The following GNAT3 variants were observed in gnomAD, a reference collection of about 807,000 sequenced individuals.
The protein encoded by GNAT3 is G protein subunit alpha transducin 3, also known as guanine nucleotide-binding protein G(t) subunit alpha-3.
Under a neutral mutation model 37.7 loss-of-function variants are expected in GNAT3, and 31 were observed. That is an observed-to-expected ratio of 0.82 (90% CI 0.62 to 1.11). The LOEUF (loss-of-function observed/expected upper bound fraction) is 1.11. Ranked by LOEUF, GNAT3 falls within the 50% of genes most tolerant of loss-of-function variation. The probability of loss-of-function intolerance (pLI) is 0.00; values close to 1 mark genes in which losing one functional copy is unlikely to be tolerated. For synonymous variants in GNAT3, 138 were observed against 139.8 expected (o/e 0.99, Z 0.09); for missense variants, 437 against 412.5 (o/e 1.06, Z -0.51).
chr7:80,460,510 T>C (rs1317806855), intron 7 of GNAT3, among the ~76,000 whole-genome samples: 2 of 152,086 alleles, frequency 1.3e-5, no homozygotes, highest in African/African-American at 4.8e-5. Context: ...CCTAACACTT[T>C]GGGAGGGCGG....
chr7:80,486,632 CTTTTTTTTTTTT>C (rs762169940), intron 3 of GNAT3: 1 of 98,422 alleles, frequency 1.0e-5, no homozygotes, highest in Non-Finnish European at 1.9e-5. Flanking sequence ...TTTTCTTTTC[CTTTTTTTTTTTT>C]TTTTTTTTTT....
At position 80,483,143 on chromosome 7, in the gene GNAT3, G is replaced by A. The variant is rs915414719; in HGVS notation, c.304-4145C>T. Among the ~76,000 whole-genome samples, 43 of 152,188 alleles carry A rather than the reference G, an allele frequency of 2.8e-4. No homozygotes were observed. The Middle Eastern group carries it at 0.014, about 48-fold the overall frequency. On this transcript the variant is annotated intron_variant, in intron 3 of 7. Coordinates refer to ENST00000398291, the MANE Select transcript of GNAT3 (RefSeq NM_001102386.3). ...ACTGCAACCCAAACAAAATGAATCA[G>A]CATCCTTGCATGTCAGGCCCTGCAA...
chr7:80,494,677 C>T (rs1029731415), intron 1 of GNAT3, 30 bp from the exon 2 acceptor site: 2 of 1,263,896 alleles, frequency 1.6e-6, no homozygotes, highest in African/African-American at 1.5e-5. Flanking sequence ...ATATTATTAA[C>T]TGATATACCA....
intron 3 of GNAT3, among the ~76,000 whole-genome samples, chr7:80,483,149 T>C (rs73369032): frequency 0.081 from 12,360 of 152,140 alleles, 1,239 homozygotes; most frequent in African/African-American, 0.24. Context: ...ATCAGCATCC[T>C]TGCATGTCAG....
chr7:80,505,815 T>C (rs1256953091), intron 1 of GNAT3, among the ~76,000 whole-genome samples: 1 of 152,226 alleles, frequency 6.6e-6, no homozygotes, highest in East Asian at 1.9e-4. Context: ...ATTTTTCATA[T>C]CTTATGGATT....
chr7:80,509,058 C>T (rs1406836906), intron 1 of GNAT3, among the ~76,000 whole-genome samples: 1 of 151,958 alleles, frequency 6.6e-6, no homozygotes, highest in South Asian at 2.1e-4. Context: ...TGAATGAGAA[C>T]ATCGTTTCAA....
chr7:80,469,617 T>C (rs995851647), intron 5 of GNAT3, among the ~76,000 whole-genome samples: 4 of 152,314 alleles, frequency 2.6e-5, no homozygotes, highest in East Asian at 3.9e-4. Flanking sequence ...GGTGTTCCTA[T>C]GTAAAATTTT....
chr7:80,474,469 A>ATG (rs201414574), intron 4 of GNAT3, 90 bp from the exon 5 acceptor site: 1 of 516,426 alleles, frequency 1.9e-6, no homozygotes, highest in Non-Finnish European at 3.3e-6. Flanking sequence ...ATACATATAT[A>ATG]TGTGTGTGTA....
At chr7:80,479,122 T>A (rs1202504542) in intron 3 of GNAT3, 124 bp from the exon 4 acceptor site, 1 of 735,132 alleles carries the variant, frequency 1.4e-6, no homozygotes, top group Admixed American at 3.4e-5. Flanking sequence ...CCACCAAACA[T>A]CTTTTTGAAC....
chr7:80,488,455 C>A, intron 3 of GNAT3, 80 bp downstream of exon 3: 1 of 1,114,150 alleles, frequency 9.0e-7, no homozygotes. Flanking sequence ...TAGATTAATA[C>A]TATGAACTTA....
At chr7:80,510,650 G>C (rs1456540884) in intron 1 of GNAT3, among the ~76,000 whole-genome samples, 8 of 152,126 alleles carry the variant, frequency 5.3e-5, no homozygotes, top group African/African-American at 1.9e-4. Flanking sequence ...CCTCTGGGTA[G>C]TTACTGACAA....
intron 3 of GNAT3, among the ~76,000 whole-genome samples, chr7:80,483,006 A>C (rs966409007): frequency 6.6e-6 from 1 of 151,934 alleles, no homozygotes; most frequent in Non-Finnish European, 1.5e-5. Context: ...GTGTCTCCAG[A>C]CCTTTTACTT....
rs2074673 is a variant in GNAT3 at position 80,458,665 on chromosome 7, A to G, written c.*6T>C. Reference sequence around the variant, plus strand: ...CATGAGCAAGAGTGGAAGAGAAAATAGTTGATTAGAAAAGCCCACAGTCTT... The same window carrying G: ...CATGAGCAAGAGTGGAAGAGAAAATGGTTGATTAGAAAAGCCCACAGTCTT... On this transcript the variant is annotated 3_prime_UTR_variant, in exon 8 of 8. Coordinates refer to ENST00000398291, the MANE Select transcript of GNAT3 (RefSeq NM_001102386.3). 0.34 allele frequency: 496,930 copies of G among 1,456,926 alleles called. 90,731 individuals carry two copies. Among genetic ancestry groups the G allele is most frequent in the East Asian group, 0.76 (31,723 of 41,854 alleles). The allele number at this position is 1,456,926 out of a possible 1,614,324, so 90.2% of individuals were successfully genotyped here.
chr7:80,500,487 C>T (rs1416941515), intron 1 of GNAT3, among the ~76,000 whole-genome samples: 3 of 151,964 alleles, frequency 2.0e-5, no homozygotes, highest in Non-Finnish European at 4.4e-5. Context: ...CTGCTTTATC[C>T]CCCTTCACCA....
chr7:80,498,806 T>A (rs1427717453), intron 1 of GNAT3, among the ~76,000 whole-genome samples: 2 of 152,160 alleles, frequency 1.3e-5, no homozygotes, highest in Non-Finnish European at 2.9e-5. Context: ...TTCTTTGAAA[T>A]AGATAATGTT....
rs536206523 is a variant in GNAT3 at position 80,462,835 on chromosome 7, C to T, written c.591-204G>A. Among the ~76,000 whole-genome samples the T allele has an allele frequency of 1.4e-3, 210 of 152,172 alleles. 1 individual carries two copies. Among genetic ancestry groups the T allele is most frequent in the Non-Finnish European group, 2.4e-3 (163 of 68,002 alleles). ...AAAAACAGTCTTTTAAAATTGTCTC[C>T]GTGCAAACTAGAATAAAATAATTTA... On this transcript the variant is annotated intron_variant, in intron 5 of 7. Transcript: ENST00000398291.
intron 2 of GNAT3, among the ~76,000 whole-genome samples, chr7:80,493,329 TC>T (rs1490203061): frequency 6.6e-6 from 1 of 152,002 alleles, no homozygotes; most frequent in Non-Finnish European, 1.5e-5. Context: ...AATGGTGCAA[TC>T]CCAGGGAACA....
At chr7:80,500,020 T>C (rs1790803931) in intron 1 of GNAT3, among the ~76,000 whole-genome samples, 1 of 152,204 alleles carries the variant, frequency 6.6e-6, no homozygotes, top group Non-Finnish European at 1.5e-5. Flanking sequence ...TACTCCTTTC[T>C]TGTGGAACAT....
chr7:80,476,806 C>G (rs1790311382), intron 4 of GNAT3, among the ~76,000 whole-genome samples: 1 of 151,336 alleles, frequency 6.6e-6, no homozygotes, highest in Non-Finnish European at 1.5e-5. Context: ...AAGCAATGAC[C>G]ATTCAACTAC....
Sources: gnomAD v4.1 joint callset for allele counts (sites outside exome capture counted in the v4.1 genomes callset) on GRCh38, gnomAD v4.1.1 for gene constraint, MANE v1.5 for transcripts, NCBI Gene and HGNC (gene_info 2026-07-23, HGNC 2026-07-21) for gene names.